The following SPMIP8 variants were observed in gnomAD, a reference collection of about 807,000 sequenced individuals.
The protein encoded by SPMIP8 is testicular tissue protein Li 196.
At chr16:57,981,085 T>C in the SPMIP8 span, among the ~76,000 whole-genome samples, 16 of 152,144 alleles carry the variant, frequency 1.1e-4, no homozygotes, top group Non-Finnish European at 1.8e-4. Flanking sequence ...GTCCTGTTAA[T>C]AATCTGGTAT....
chr16:57,985,164 G>A, the SPMIP8 span: 38 of 1,464,602 alleles, frequency 2.6e-5, no homozygotes, highest in East Asian at 5.2e-4. Flanking sequence ...CTTGTCCTGG[G>A]GGGGGGCGGA....
the SPMIP8 span, among the ~76,000 whole-genome samples, chr16:57,982,241 T>C: frequency 1.3e-5 from 2 of 152,192 alleles, no homozygotes; most frequent in Non-Finnish European, 2.9e-5. Context: ...ACATCTAATA[T>C]CCAGACCATA....
chr16:57,984,458 G>T, the SPMIP8 span: 2 of 1,563,962 alleles, frequency 1.3e-6, no homozygotes, highest in Non-Finnish European at 1.8e-6. Context: ...ACCTTCTCAG[G>T]TGCCTGCTTG....
the SPMIP8 span, chr16:57,978,181 T>C: frequency 1.1e-6 from 1 of 890,076 alleles, no homozygotes; most frequent in Non-Finnish European, 1.7e-6. Context: ...TGAGCCTCTG[T>C]TTACTGCTCA....
the SPMIP8 span, among the ~76,000 whole-genome samples, chr16:57,981,310 G>T: frequency 4.2e-5 from 6 of 144,452 alleles, no homozygotes; most frequent in African/African-American, 1.5e-4. Context: ...AACCCAGGAG[G>T]CGGAGGTTGC....
chr16:57,978,167 G>A, the SPMIP8 span: 1 of 1,050,938 alleles, frequency 9.5e-7, no homozygotes, highest in Non-Finnish European at 1.4e-6. Flanking sequence ...ACTTTGGCCA[G>A]GTCTGAGCCT....
chr16:57,984,886 C>G, the SPMIP8 span: 3 of 1,479,052 alleles, frequency 2.0e-6, no homozygotes, highest in Non-Finnish European at 9.0e-7. Context: ...GGACTGCGGA[C>G]GGGAACGCAG....
chr16:57,977,597 T>TGTGTGTGTGTGTGTGTG, the SPMIP8 span, among the ~76,000 whole-genome samples: 1 of 69,372 alleles, frequency 1.4e-5, no homozygotes, highest in Non-Finnish European at 4.1e-5. Flanking sequence ...ATGTGTGTGT[T>TGTGTGTGTGTGTGTGTG]GGAAGGGGAG....
At chr16:57,980,878 GTTGT>G in the SPMIP8 span, among the ~76,000 whole-genome samples, 15 of 152,152 alleles carry the variant, frequency 9.9e-5, no homozygotes, top group Non-Finnish European at 7.4e-5. Flanking sequence ...TGCTGTTGTT[GTTGT>G]TTGTTTGTTT....
At chr16:57,985,214 C>T in the SPMIP8 span, 6 of 1,540,012 alleles carry the variant, frequency 3.9e-6, no homozygotes, top group African/African-American at 8.3e-5. Context: ...AGCGGAGGGT[C>T]TCAGCGGCTA....
the SPMIP8 span, chr16:57,985,409 C>T: frequency 3.3e-5 from 53 of 1,611,984 alleles, no homozygotes; most frequent in South Asian, 5.6e-4. Flanking sequence ...AGCAGGAAGC[C>T]CTGTGTGGGG....
the SPMIP8 span, among the ~76,000 whole-genome samples, chr16:57,980,297 T>C: frequency 6.6e-6 from 1 of 152,232 alleles, no homozygotes; most frequent in African/African-American, 2.4e-5. Context: ...AAGATAGTAC[T>C]GACATGGGCA....
At chr16:57,979,298 G>A in the SPMIP8 span, among the ~76,000 whole-genome samples, 2 of 152,198 alleles carry the variant, frequency 1.3e-5, no homozygotes, top group African/African-American at 2.4e-5. Flanking sequence ...GATTACCAGA[G>A]TTGCCACATG....
chr16:57,985,231 G>A, the SPMIP8 span: 6 of 1,553,422 alleles, frequency 3.9e-6, no homozygotes, highest in Non-Finnish European at 5.2e-6. Flanking sequence ...GCTACGCGGT[G>A]CGGTACTTGA....
chr16:57,984,206 A>G, the SPMIP8 span: 3 of 1,305,396 alleles, frequency 2.3e-6, no homozygotes, highest in Non-Finnish European at 3.3e-6. Context: ...GCCCGGCCTC[A>G]AAAAATTTTT....
chr16:57,984,694 C>T, the SPMIP8 span: 1 of 1,596,830 alleles, frequency 6.3e-7, no homozygotes, highest in South Asian at 1.1e-5. Flanking sequence ...AAGCTGGCGC[C>T]CATCGCGCCA....
chr16:57,985,338 G>C, the SPMIP8 span: 1,001 of 1,559,508 alleles, frequency 6.4e-4, 1 homozygote, highest in Non-Finnish European at 7.5e-4. Context: ...GGCTTAAGCC[G>C]GGGGTTGAGG....
chr16:57,981,263 C>T, the SPMIP8 span, among the ~76,000 whole-genome samples: 1 of 151,050 alleles, frequency 6.6e-6, no homozygotes, highest in African/African-American at 2.4e-5. Flanking sequence ...TGCTTGTAAT[C>T]CCAGCTACTG....
At chr16:57,981,419 T>TATAATAATA in the SPMIP8 span, among the ~76,000 whole-genome samples, 4 of 140,184 alleles carry the variant, frequency 2.9e-5, no homozygotes, top group Admixed American at 7.2e-5. Context: ...TAATAATTAT[T>TATAATAATA]ATTATTATTA....
Sources: gnomAD v4.1 joint callset for allele counts (sites outside exome capture counted in the v4.1 genomes callset) on GRCh38, gnomAD v4.1.1 for gene constraint, MANE v1.5 for transcripts, NCBI Gene and HGNC (gene_info 2026-07-23, HGNC 2026-07-21) for gene names.